Variants in SAMSN1 observed in about 807,000 individuals in gnomAD.
The protein encoded by SAMSN1 is SAM domain, SH3 domain and nuclear localization signals 1.
SAMSN1 carries 31 observed loss-of-function variants against 42.0 expected under a neutral mutation model. That is an observed-to-expected ratio of 0.74 (90% CI 0.55 to 1.00). SAMSN1 has a LOEUF of 1.00. Ranked by LOEUF, SAMSN1 falls within the 50% of genes least tolerant of loss-of-function variation. The pLI, the probability that SAMSN1 is intolerant of heterozygous loss-of-function variation, is 0.00. For missense variants in SAMSN1, 464 were observed against 439.4 expected (o/e 1.06, Z -0.50); for synonymous variants, 178 against 151.9 (o/e 1.17, Z -1.26).
chr21:14,494,260 C>T (rs566446265), intron 7 of SAMSN1, among the ~76,000 whole-genome samples: 6 of 152,312 alleles, frequency 3.9e-5, no homozygotes, highest in Admixed American at 1.3e-4. Flanking sequence ...CACATGCACA[C>T]ATATGTTTAT....
At chr21:14,613,147 C>T (rs148323858) in intron 3 of SAMSN1, among the ~76,000 whole-genome samples, 1 of 152,058 alleles carries the variant, frequency 6.6e-6, no homozygotes, top group East Asian at 1.9e-4. Context: ...ATTCATAAGA[C>T]CTGAAAAAAA....
chr21:14,618,129 G>C (rs1036468761), intron 2 of SAMSN1, among the ~76,000 whole-genome samples: 5 of 152,184 alleles, frequency 3.3e-5, no homozygotes, highest in African/African-American at 1.2e-4. Flanking sequence ...CTTTGTTCTG[G>C]TTTTACTGGA....
intron 1 of SAMSN1, among the ~76,000 whole-genome samples, chr21:14,521,753 A>G (rs146300198): frequency 6.2e-4 from 95 of 152,244 alleles, no homozygotes; most frequent in African/African-American, 2.2e-3. Flanking sequence ...AAAATAGCTA[A>G]TGCATGATGG....
At chr21:14,615,309 G>A (rs1982806897) in intron 3 of SAMSN1, among the ~76,000 whole-genome samples, 1 of 102,814 alleles carries the variant, frequency 9.7e-6, no homozygotes, top group South Asian at 3.2e-4. Context: ...TTAAGCAGGG[G>A]GAATAAAAAA....
At position 14,517,031 on chromosome 21, in the gene SAMSN1, C is replaced by A; in HGVS notation, c.140G>T (p.Gly47Val). The change falls in exon 3 of 8, where the codon GGA becomes GTA. Residue 47 changes from glycine to valine, a missense_variant. Transcript: ENST00000400566. ...KPDDSTEAHE[G>V]DPTNGSGEQS... ...TTCTCCACTTCCATTTGTGGGATCT[C>A]CTTCATGTGCCTAGTTTAGAATTGT... 6.2e-7 allele frequency: 1 copy of A among 1,609,110 alleles called. No individual in the cohort carries two copies. The highest frequency in any genetic ancestry group is 8.5e-7 in the Non-Finnish European group (1 of 1,178,414).
At chr21:14,580,398 A>G (rs1981665876) in intron 2 of SAMSN1, among the ~76,000 whole-genome samples, 1 of 152,242 alleles carries the variant, frequency 6.6e-6, no homozygotes, top group African/African-American at 2.4e-5. Context: ...ATTTGTGTTC[A>G]GATGCCTATA....
At chr21:14,647,620 A>T (rs1311389186) in intron 1 of SAMSN1, among the ~76,000 whole-genome samples, 9 of 136,268 alleles carry the variant, frequency 6.6e-5, no homozygotes. Context: ...AACCATGAGC[A>T]TGGAATGTTC....
intron 2 of SAMSN1, among the ~76,000 whole-genome samples, chr21:14,624,954 G>A (rs955848844): frequency 2.0e-5 from 3 of 152,236 alleles, no homozygotes; most frequent in Non-Finnish European, 4.4e-5. Flanking sequence ...TTGTCCCTGG[G>A]ATGCAAGGCT....
chr21:14,535,418 T>C (rs185570870), intron 1 of SAMSN1, among the ~76,000 whole-genome samples: 1 of 152,124 alleles, frequency 6.6e-6, no homozygotes. Context: ...AAGGGATTGG[T>C]CAACTGGAAG....
upstream of SAMSN1, chr21:14,546,398 G>A (rs560578064): frequency 1.0e-3 from 1,464 of 1,404,472 alleles, 6 homozygotes; most frequent in South Asian, 2.1e-3. Context: ...CCTTCAGTCA[G>A]GATATGACTT....
chr21:14,540,090 T>A (rs1306659562), intron 1 of SAMSN1, among the ~76,000 whole-genome samples: 1 of 152,230 alleles, frequency 6.6e-6, no homozygotes, highest in South Asian at 2.1e-4. Context: ...GTTAGCCATA[T>A]GTAGAAAGCT....
intron 2 of SAMSN1, among the ~76,000 whole-genome samples, chr21:14,577,406 C>A (rs1981542806): frequency 1.3e-5 from 2 of 149,746 alleles, no homozygotes; most frequent in Non-Finnish European, 3.0e-5. Flanking sequence ...AGCCACCACA[C>A]CTGGCCCCAT....
chr21:14,549,130 G>T (rs932604804), upstream of SAMSN1, among the ~76,000 whole-genome samples: 1 of 152,116 alleles, frequency 6.6e-6, no homozygotes, highest in Non-Finnish European at 1.5e-5. Context: ...AGCCATAAAA[G>T]GATTGGTTCA....
intron 5 of SAMSN1, among the ~76,000 whole-genome samples, chr21:14,605,864 T>C (rs973531701): frequency 4.0e-5 from 6 of 150,574 alleles, no homozygotes; most frequent in Non-Finnish European, 8.9e-5. Context: ...TTTTTTGAGA[T>C]GGAGTCTCAC....
intron 5 of SAMSN1, among the ~76,000 whole-genome samples, chr21:14,507,798 T>C (rs552045865): frequency 6.6e-6 from 1 of 150,504 alleles, no homozygotes; most frequent in South Asian, 2.1e-4. Flanking sequence ...AATTTCAAAC[T>C]ATACTATAGG....
chr21:14,519,687 A>C (rs532267146), intron 2 of SAMSN1, among the ~76,000 whole-genome samples: 1 of 151,286 alleles, frequency 6.6e-6, no homozygotes, highest in East Asian at 1.9e-4. Context: ...TTATTTTAAA[A>C]TATTACAGAT....
At chr21:14,641,809 T>A (rs906224917) in intron 2 of SAMSN1, among the ~76,000 whole-genome samples, 1 of 152,162 alleles carries the variant, frequency 6.6e-6, no homozygotes, top group Non-Finnish European at 1.5e-5. Context: ...TAGTTGACCC[T>A]TTAACAACAT....
chr21:14,545,315 C>G (rs1980317866), intron 1 of SAMSN1, among the ~76,000 whole-genome samples: 1 of 151,818 alleles, frequency 6.6e-6, no homozygotes, highest in Admixed American at 6.6e-5. Context: ...AAATGGGTGC[C>G]TAACATATAA....
intron 6 of SAMSN1, among the ~76,000 whole-genome samples, chr21:14,601,464 A>T (rs987235258): frequency 1.3e-5 from 2 of 152,210 alleles, no homozygotes; most frequent in African/African-American, 4.8e-5. Flanking sequence ...CAGAATGATT[A>T]AAGAGAACCT....
Sources: gnomAD v4.1 joint callset for allele counts (sites outside exome capture counted in the v4.1 genomes callset) on GRCh38, gnomAD v4.1.1 for gene constraint, MANE v1.5 for transcripts, NCBI Gene and HGNC (gene_info 2026-07-23, HGNC 2026-07-21) for gene names.